CCDC102B: variants seen among roughly 807,000 people sequenced by gnomAD.
CCDC102B encodes coiled-coil domain containing 102B.
In CCDC102B, 75 loss-of-function variants were observed where a neutral mutation model predicts 57.4. That is an observed-to-expected ratio of 1.31 (90% CI 1.08 to 1.58). The LOEUF is 1.58. CCDC102B is among the 40% of genes most tolerant of loss of function. The pLI is 0.00. For synonymous variants in CCDC102B, 206 were observed against 201.9 expected (o/e 1.02, Z -0.17); for missense variants, 636 against 582.6 (o/e 1.09, Z -0.94).
At chr18:68,764,315 G>A (rs2034355404) in intron 2 of CCDC102B, among the ~76,000 whole-genome samples, 1 of 152,112 alleles carries the variant, frequency 6.6e-6, no homozygotes, top group Non-Finnish European at 1.5e-5. Context: ...GCGACTCACA[G>A]TTCTTTGAAT....
Position 69,054,468 on chromosome 18 carries a change from A to G in CCDC102B, c.*331A>G, listed in dbSNP as rs895393146. ...GGTAAGAAAAAGTAAGTTGAAAACCATACAAGACGCTGGGTCATTAATAAG... is the reference window on the plus strand; with the variant it reads ...GGTAAGAAAAAGTAAGTTGAAAACCGTACAAGACGCTGGGTCATTAATAAG... On this transcript the variant is annotated 3_prime_UTR_variant, in exon 8 of 8. Coordinates refer to ENST00000360242, the MANE Select transcript of CCDC102B (RefSeq NM_024781.3). 5.3e-5 allele frequency: 54 copies of G among 1,020,514 alleles called. No homozygotes were observed. The African/African-American group carries it at 6.4e-4, about 12-fold the overall frequency. The allele number at this position is 1,020,514 out of a possible 1,614,324, so 63.2% of individuals were successfully genotyped here.
chr18:68,991,735 T>A (rs1285676078), intron 6 of CCDC102B, among the ~76,000 whole-genome samples: 4 of 152,218 alleles, frequency 2.6e-5, no homozygotes, highest in African/African-American at 9.7e-5. Flanking sequence ...TCTTTAGAAG[T>A]CGTTAAATAT....
chr18:68,909,385 G>C (rs934721391), intron 6 of CCDC102B, among the ~76,000 whole-genome samples: 2 of 152,108 alleles, frequency 1.3e-5, no homozygotes, highest in African/African-American at 4.8e-5. Context: ...TATGTTAAAG[G>C]AAGTTCTATA....
intron 2 of CCDC102B, among the ~76,000 whole-genome samples, chr18:68,757,197 A>G (rs1016990753): frequency 6.6e-6 from 1 of 152,146 alleles, no homozygotes; most frequent in Non-Finnish European, 1.5e-5. Flanking sequence ...TAAAGAACAT[A>G]CTGTGCTTGC....
chr18:68,828,338 A>G (rs1321794515), intron 1 of CCDC102B, among the ~76,000 whole-genome samples: 1 of 150,622 alleles, frequency 6.6e-6, no homozygotes, highest in African/African-American at 2.4e-5. Context: ...AAAAAAAAAA[A>G]AAAAAAAAAC....
intron 6 of CCDC102B, among the ~76,000 whole-genome samples, chr18:68,939,521 A>T (rs1330856082): frequency 6.6e-6 from 1 of 151,766 alleles, no homozygotes; most frequent in Non-Finnish European, 1.5e-5. Flanking sequence ...ATTATATTTA[A>T]ATTAACCTAC....
chr18:68,964,924 T>C (rs2050131828), intron 6 of CCDC102B, among the ~76,000 whole-genome samples: 1 of 151,984 alleles, frequency 6.6e-6, no homozygotes, highest in Non-Finnish European at 1.5e-5. Flanking sequence ...CCCTTAGCTT[T>C]CTGGTTTCTT....
At chr18:68,856,568 G>T (rs1377250891) in intron 4 of CCDC102B, among the ~76,000 whole-genome samples, 1 of 152,146 alleles carries the variant, frequency 6.6e-6, no homozygotes, top group Non-Finnish European at 1.5e-5. Context: ...CAAAATGCTG[G>T]GATTAAGGGT....
chr18:68,755,104 T>G (rs2034000744), intron 2 of CCDC102B: 1 of 152,170 alleles, frequency 6.6e-6, no homozygotes, highest in Non-Finnish European at 1.5e-5. Context: ...TTCATCTGGA[T>G]TTATTGGAAA....
intron 6 of CCDC102B, among the ~76,000 whole-genome samples, chr18:68,952,258 G>A (rs917993538): frequency 6.6e-6 from 1 of 151,262 alleles, no homozygotes; most frequent in African/African-American, 2.4e-5. Context: ...ATGACAAATT[G>A]TATACCCCTC....
chr18:68,923,273 G>A (rs2041350678), intron 6 of CCDC102B, among the ~76,000 whole-genome samples: 1 of 151,436 alleles, frequency 6.6e-6, no homozygotes, highest in Admixed American at 6.6e-5. Context: ...TAGGTACTTA[G>A]TGTGTATACA....
chr18:68,756,568 T>C (rs1418514693), intron 2 of CCDC102B, among the ~76,000 whole-genome samples: 2 of 152,190 alleles, frequency 1.3e-5, no homozygotes, highest in Non-Finnish European at 2.9e-5. Flanking sequence ...ATGCTAGTTG[T>C]AAACTTCTAA....
intron 6 of CCDC102B, chr18:68,897,757 A>T: frequency 3.2e-6 from 2 of 627,764 alleles, no homozygotes; most frequent in South Asian, 3.8e-5. Context: ...TAATGATCTT[A>T]TTTCCAATAA....
At chr18:68,722,409 G>A (rs1005590317) in intron 2 of CCDC102B, among the ~76,000 whole-genome samples, 1 of 152,096 alleles carries the variant, frequency 6.6e-6, no homozygotes, top group Admixed American at 6.5e-5. Flanking sequence ...TCCTCATCCA[G>A]CTTATGAGTG....
chr18:69,044,208 A>C (rs2052502707), intron 7 of CCDC102B, among the ~76,000 whole-genome samples: 1 of 152,162 alleles, frequency 6.6e-6, no homozygotes, highest in African/African-American at 2.4e-5. Flanking sequence ...AGAGGTTAAG[A>C]GTTTGAGGTT....
chr18:69,011,144 A>G, intron 7 of CCDC102B, 40 bp downstream of exon 7: 1 of 1,557,638 alleles, frequency 6.4e-7, no homozygotes, highest in Non-Finnish European at 8.7e-7. Context: ...ACAGCTTCTA[A>G]ATAGTATTTT....
intron 7 of CCDC102B, among the ~76,000 whole-genome samples, chr18:69,050,301 C>A (rs1208842592): frequency 6.6e-6 from 1 of 152,104 alleles, no homozygotes; most frequent in Non-Finnish European, 1.5e-5. Flanking sequence ...CTTCTAAAAC[C>A]TTCTGAATCT....
chr18:68,740,214 C>A (rs1009986537), intron 2 of CCDC102B, among the ~76,000 whole-genome samples: 13 of 152,154 alleles, frequency 8.5e-5, no homozygotes. Flanking sequence ...TGCCCAATGT[C>A]CCTTAGGGGA....
chr18:68,979,113 G>A (rs2050511044), intron 6 of CCDC102B, among the ~76,000 whole-genome samples: 1 of 152,044 alleles, frequency 6.6e-6, no homozygotes, highest in African/African-American at 2.4e-5. Flanking sequence ...TGTATTCTAA[G>A]TGGGAGGTGG....
Sources: gnomAD v4.1 joint callset for allele counts (sites outside exome capture counted in the v4.1 genomes callset) on GRCh38, gnomAD v4.1.1 for gene constraint, MANE v1.5 for transcripts, NCBI Gene and HGNC (gene_info 2026-07-23, HGNC 2026-07-21) for gene names.